The following GRID2 variants were observed in gnomAD, a reference collection of about 807,000 sequenced individuals.
GRID2 encodes glutamate receptor ionotropic, delta-2.
A neutral mutation model predicts 114.8 loss-of-function variants in GRID2; 33 were observed. The ratio of observed to expected loss-of-function variants is 0.29; its 90% CI spans 0.22 to 0.38. GRID2 has a LOEUF of 0.38. Among genes scored for constraint, GRID2 ranks in the 10% least tolerant of loss-of-function variants. The probability of loss-of-function intolerance (pLI) is 1.00; values close to 1 mark genes in which losing one functional copy is unlikely to be tolerated. For missense variants in GRID2, 1,184 were observed against 1,257.7 expected, an observed-to-expected ratio of 0.94 and a Z score of 0.89; for synonymous variants, 505 against 449.9, an observed-to-expected ratio of 1.12 and a Z score of -1.55.
At chr4:93,317,330 T>C (rs1015972422) in intron 8 of GRID2, among the ~76,000 whole-genome samples, 1 of 152,080 alleles carries the variant, frequency 6.6e-6, no homozygotes, top group African/African-American at 2.4e-5. Context: ...CAGGTTTTTT[T>C]TTTTTCCTTG....
At chr4:92,919,821 A>C (rs983932519) in intron 2 of GRID2, among the ~76,000 whole-genome samples, 1 of 152,164 alleles carries the variant, frequency 6.6e-6, no homozygotes, top group Non-Finnish European at 1.5e-5. Flanking sequence ...AGAAGAATGT[A>C]TATTCTGTTG....
intron 1 of GRID2, among the ~76,000 whole-genome samples, chr4:92,439,396 G>C (rs927147387): frequency 8.5e-5 from 13 of 152,056 alleles, no homozygotes; most frequent in African/African-American, 3.1e-4. Context: ...TGGGCTCAGA[G>C]GCCTGACATT....
chr4:92,797,373 A>G (rs113888127), intron 2 of GRID2, among the ~76,000 whole-genome samples: 5 of 152,116 alleles, frequency 3.3e-5, no homozygotes, highest in African/African-American at 1.2e-4. Context: ...TGCAATAGCA[A>G]TGGGAGTTGC....
At chr4:93,220,850 G>A (rs1184171081) in intron 6 of GRID2, among the ~76,000 whole-genome samples, 1 of 152,148 alleles carries the variant, frequency 6.6e-6, no homozygotes, top group African/African-American at 2.4e-5. Flanking sequence ...ATCACTACGT[G>A]AATGAAGATG....
chr4:92,649,640 A>G (rs1394033707), intron 2 of GRID2, among the ~76,000 whole-genome samples: 1 of 152,010 alleles, frequency 6.6e-6, no homozygotes, highest in Non-Finnish European at 1.5e-5. Context: ...CTGGGTACCC[A>G]TAGGTATTTC....
chr4:93,579,066 C>G (rs1053652470), intron 13 of GRID2, among the ~76,000 whole-genome samples: 6 of 151,522 alleles, frequency 4.0e-5, no homozygotes, highest in African/African-American at 1.5e-4. Flanking sequence ...TTTTTTTATT[C>G]TTGACAGTCT....
chr4:93,296,522 C>T (rs1754329349), intron 8 of GRID2, among the ~76,000 whole-genome samples: 1 of 152,148 alleles, frequency 6.6e-6, no homozygotes, highest in Non-Finnish European at 1.5e-5. Context: ...AGAAAGAGAG[C>T]AGCAGCTGAG....
chr4:92,653,353 GTGTT>G (rs1234817387), intron 2 of GRID2, among the ~76,000 whole-genome samples: 4 of 150,264 alleles, frequency 2.7e-5, no homozygotes, highest in South Asian at 2.1e-4. Flanking sequence ...GTGTGTTTGT[GTGTT>G]TGTAATTGTT....
At chr4:92,713,324 C>G (rs1212054129) in intron 2 of GRID2, among the ~76,000 whole-genome samples, 1 of 151,048 alleles carries the variant, frequency 6.6e-6, no homozygotes, top group East Asian at 2.0e-4. Context: ...ATATAGTAAA[C>G]TTATGTTAGT....
chr4:93,560,744 T>G (rs1396391990), intron 13 of GRID2, among the ~76,000 whole-genome samples: 5 of 152,110 alleles, frequency 3.3e-5, no homozygotes, highest in Admixed American at 3.3e-4. Context: ...CCTCCCAAAG[T>G]ACTGAGATTA....
intron 2 of GRID2, among the ~76,000 whole-genome samples, chr4:92,964,022 C>T (rs992200961): frequency 2.6e-5 from 4 of 151,986 alleles, no homozygotes; most frequent in Admixed American, 2.0e-4. Context: ...CACCAGTTCG[C>T]AGCAGTGGCC....
At chr4:93,499,547 C>G (rs1047469728) in intron 12 of GRID2, among the ~76,000 whole-genome samples, 1 of 151,830 alleles carries the variant, frequency 6.6e-6, no homozygotes, top group Non-Finnish European at 1.5e-5. Flanking sequence ...TGGAGCTTTA[C>G]ATGCTCTTCT....
chr4:93,422,089 C>T (rs1420448175), intron 9 of GRID2, among the ~76,000 whole-genome samples: 1 of 151,922 alleles, frequency 6.6e-6, no homozygotes, highest in East Asian at 1.9e-4. Flanking sequence ...GTGAAAGGGG[C>T]CTATTTGTTA....
intron 13 of GRID2, among the ~76,000 whole-genome samples, chr4:93,522,568 CA>C (rs957184830): frequency 9.3e-5 from 14 of 150,210 alleles, no homozygotes; most frequent in Admixed American, 3.3e-4. Context: ...AGAGCACATG[CA>C]AAAAAAACAT....
chr4:92,433,899 A>G (rs2110345266), intron 1 of GRID2, among the ~76,000 whole-genome samples: 1 of 152,368 alleles, frequency 6.6e-6, no homozygotes, highest in South Asian at 2.1e-4. Flanking sequence ...ATTAAAAGAG[A>G]GCAAGCAAGA....
chr4:92,643,191 G>A (rs1048197614), intron 2 of GRID2, among the ~76,000 whole-genome samples: 9 of 151,474 alleles, frequency 5.9e-5, no homozygotes, highest in African/African-American at 1.5e-4. Flanking sequence ...TGCTTTGGGC[G>A]CTGTGGCCAT....
At chr4:92,757,498 G>A (rs1560575037) in intron 2 of GRID2, among the ~76,000 whole-genome samples, 1 of 152,104 alleles carries the variant, frequency 6.6e-6, no homozygotes, top group African/African-American at 2.4e-5. Flanking sequence ...TCAAAGGGAA[G>A]TTGACAAGAA....
At chr4:92,753,739 T>C (rs17019874) in intron 2 of GRID2, among the ~76,000 whole-genome samples, 13,064 of 152,158 alleles carry the variant, frequency 0.086, 634 homozygotes, top group African/African-American at 0.13. Context: ...ACGGAGTTAC[T>C]GTCAGTTTGA....
chr4:92,752,981 G>A (rs1290776054), intron 2 of GRID2, among the ~76,000 whole-genome samples: 2 of 151,996 alleles, frequency 1.3e-5, no homozygotes, highest in East Asian at 1.9e-4. Context: ...AATCTTTATG[G>A]TAATCAACAT....
Sources: allele counts gnomAD v4.1 joint callset (sites outside exome capture counted in the v4.1 genomes callset), GRCh38; gene constraint gnomAD v4.1.1; transcripts MANE v1.5; gene names NCBI Gene and HGNC (gene_info 2026-07-23, HGNC 2026-07-21).